The following MRRF variants were observed in gnomAD, a reference collection of about 807,000 sequenced individuals.
MRRF encodes mitochondrial ribosome recycling factor, also known as ribosome-recycling factor, mitochondrial.
A neutral mutation model predicts 25.1 loss-of-function variants in MRRF; 18 were observed. The ratio of observed to expected loss-of-function variants is 0.72; its 90% CI spans 0.50 to 1.06. The LOEUF (loss-of-function observed/expected upper bound fraction) is 1.06. MRRF is among the 50% of genes least tolerant of loss of function. The probability of loss-of-function intolerance (pLI) is 0.00; values close to 1 mark genes in which losing one functional copy is unlikely to be tolerated. For synonymous variants in MRRF, 113 were observed against 112.1 expected (o/e 1.01, Z -0.05); for missense variants, 323 against 319.3 (o/e 1.01, Z -0.09).
At chr9:122,270,797 A>G in intron 1 of MRRF, 67 bp from the exon 2 acceptor site, 1 of 1,224,496 alleles carries the variant, frequency 8.2e-7, no homozygotes, top group Non-Finnish European at 1.2e-6. Context: ...GGTACGAATT[A>G]CCTGAAGTTG....
At chr9:122,283,453 AG>A (rs148185201) in intron 3 of MRRF, among the ~76,000 whole-genome samples, 4,577 of 152,274 alleles carry the variant, frequency 0.03, 210 homozygotes, top group African/African-American at 0.1. Context: ...AGAAGGCTGA[AG>A]GGGGTCTACC....
chr9:122,288,923 A>G (rs955875501), intron 4 of MRRF, among the ~76,000 whole-genome samples: 49 of 152,312 alleles, frequency 3.2e-4, no homozygotes, highest in Non-Finnish European at 6.0e-4. Flanking sequence ...ACAACCAGTT[A>G]GTTATGTCAT....
In MRRF at chr9:122,280,549, A is replaced by C. The variant is rs1833038029; in HGVS notation, c.291A>C (p.Glu97Asp). The C allele has an allele frequency of 2.5e-6, 4 of 1,614,056 alleles. No homozygotes were observed. The highest frequency in any genetic ancestry group is 3.4e-6 in the Non-Finnish European group (4 of 1,179,890). The change falls in exon 3 of 7, where the codon GAA (glutamate) becomes GAC (aspartate). Residue 97 changes from glutamate to aspartate, a missense_variant. Transcript: ENST00000344641. ...ATGAAGAAATGAAGTCTGTGATAGA[A>C]GCTCTCAAGGATAATTTCAATAAGA... ...EVNEEMKSVI[E>D]ALKDNFNKTL...
At chr9:122,289,808 G>A (rs912935768) in intron 4 of MRRF, among the ~76,000 whole-genome samples, 4 of 151,782 alleles carry the variant, frequency 2.6e-5, no homozygotes, top group African/African-American at 9.7e-5. Context: ...TGGGTGGATC[G>A]CTTGAGCCCA....
At chr9:122,303,911 A>G (rs1261740961) in intron 5 of MRRF, among the ~76,000 whole-genome samples, 4 of 152,080 alleles carry the variant, frequency 2.6e-5, no homozygotes, top group Non-Finnish European at 5.9e-5. Flanking sequence ...GCTAGCTGCT[A>G]TATTGCCTTG....
chr9:122,277,851 C>A (rs899442634), intron 2 of MRRF, among the ~76,000 whole-genome samples: 5 of 152,072 alleles, frequency 3.3e-5, no homozygotes, highest in African/African-American at 1.2e-4. Flanking sequence ...CACGCCTGGC[C>A]TTATTTTGGA....
At chr9:122,315,678 G>A (rs184001690) in intron 6 of MRRF, among the ~76,000 whole-genome samples, 1 of 151,998 alleles carries the variant, frequency 6.6e-6, no homozygotes, top group East Asian at 1.9e-4. Context: ...CTGGGCCCTG[G>A]CTCCAGCTGG....
intron 4 of MRRF, among the ~76,000 whole-genome samples, chr9:122,291,496 A>C (rs945379215): frequency 2.0e-5 from 3 of 152,176 alleles, no homozygotes; most frequent in African/African-American, 7.2e-5. Context: ...CTTTTCAAAG[A>C]GGCAGAGCTG....
chr9:122,305,410 C>CAA (rs371802454), intron 5 of MRRF, among the ~76,000 whole-genome samples: 27 of 65,692 alleles, frequency 4.1e-4, no homozygotes, highest in Admixed American at 5.5e-4. Context: ...AGACTCATCT[C>CAA]AAAAAAAAAA....
chr9:122,275,256 T>G (rs2119062821), intron 2 of MRRF, among the ~76,000 whole-genome samples: 1 of 152,280 alleles, frequency 6.6e-6, no homozygotes, highest in East Asian at 1.9e-4. Flanking sequence ...TATCTCTCCA[T>G]TTCCTCACCA....
chr9:122,285,858 A>G (rs939359394), intron 4 of MRRF: 3 of 1,285,520 alleles, frequency 2.3e-6, no homozygotes, highest in Admixed American at 2.6e-5. Flanking sequence ...CTGCATTAGT[A>G]TTTGGAGCAG....
chr9:122,298,001 A>G (rs899025361), intron 5 of MRRF, among the ~76,000 whole-genome samples: 3 of 152,170 alleles, frequency 2.0e-5, no homozygotes, highest in South Asian at 2.1e-4. Context: ...TCTATACTCT[A>G]TGATTGAACT....
intron 5 of MRRF, among the ~76,000 whole-genome samples, chr9:122,302,170 T>C (rs773528536): frequency 1.5e-4 from 23 of 152,224 alleles, no homozygotes; most frequent in Non-Finnish European, 1.3e-4. Flanking sequence ...GATAGGCATA[T>C]GGCATTTTTG....
intron 2 of MRRF, among the ~76,000 whole-genome samples, chr9:122,275,516 T>G (rs1056410246): frequency 6.6e-6 from 1 of 152,076 alleles, no homozygotes; most frequent in African/African-American, 2.4e-5. Flanking sequence ...GCGCCTGTAG[T>G]CCCAGCTATT....
At position 122,309,662 on chromosome 9, in the gene MRRF, G is replaced by A. The variant is rs537416132; in HGVS notation, c.552-3565G>A. Among the ~76,000 whole-genome samples, 3 of 152,276 alleles carry A rather than the reference G, an allele frequency of 2.0e-5. No homozygotes were observed. In the East Asian group the frequency reaches 5.8e-4, roughly 29 times the overall value. ...ACCACTGTAATTTATTCATTAATTTGCATGTGTTTGTGTAATGACTGCCTT... is the reference window on the plus strand; with the variant it reads ...ACCACTGTAATTTATTCATTAATTTACATGTGTTTGTGTAATGACTGCCTT... On this transcript the variant is annotated intron_variant, in intron 5 of 6. Transcript: ENST00000344641.
chr9:122,281,542 G>C (rs565430383), intron 3 of MRRF, among the ~76,000 whole-genome samples: 1 of 152,288 alleles, frequency 6.6e-6, no homozygotes, highest in South Asian at 2.1e-4. Flanking sequence ...GTCAACCTTT[G>C]GGCTGGGGCA....
chr9:122,281,577 C>T (rs1462554147), intron 3 of MRRF, among the ~76,000 whole-genome samples: 1 of 152,200 alleles, frequency 6.6e-6, no homozygotes, highest in African/African-American at 2.4e-5. Context: ...GACAGTAGAG[C>T]GTGCCATTCA....
chr9:122,318,084 C>T (rs1370618734), intron 6 of MRRF, among the ~76,000 whole-genome samples: 4 of 151,978 alleles, frequency 2.6e-5, no homozygotes, highest in South Asian at 2.1e-4. Flanking sequence ...TGCAGTGAGC[C>T]GAAATCGCGC....
At chr9:122,300,669 C>T (rs567049993) in intron 5 of MRRF, among the ~76,000 whole-genome samples, 2 of 152,236 alleles carry the variant, frequency 1.3e-5, no homozygotes, top group South Asian at 4.1e-4. Context: ...GCCCTCCTTC[C>T]TTCTCTTCCT....
Sources: gnomAD v4.1 joint callset for allele counts (sites outside exome capture counted in the v4.1 genomes callset) on GRCh38, gnomAD v4.1.1 for gene constraint, MANE v1.5 for transcripts, NCBI Gene and HGNC (gene_info 2026-07-23, HGNC 2026-07-21) for gene names.